The following COG5 variants were observed in gnomAD, a reference collection of about 807,000 sequenced individuals.
COG5 encodes conserved oligomeric Golgi complex subunit 5.
A neutral mutation model predicts 110.4 loss-of-function variants in COG5; 86 were observed. That is an observed-to-expected ratio of 0.78 (90% CI 0.65 to 0.93). COG5 has a LOEUF of 0.93. COG5 is among the 40% of genes least tolerant of loss of function. The pLI is 0.00. For synonymous variants in COG5, 360 were observed against 334.6 expected (o/e 1.08, Z -0.83); for missense variants, 1,077 against 987.0 (o/e 1.09, Z -1.22).
At chr7:107,337,861 T>C (rs1810839059) in intron 10 of COG5, among the ~76,000 whole-genome samples, 1 of 152,158 alleles carries the variant, frequency 6.6e-6, no homozygotes, top group Admixed American at 6.6e-5. Flanking sequence ...ATACCCTAAC[T>C]TGATCATTAC....
At chr7:107,484,506 A>G (rs1188423914) in intron 6 of COG5, among the ~76,000 whole-genome samples, 1 of 152,166 alleles carries the variant, frequency 6.6e-6, no homozygotes, top group African/African-American at 2.4e-5. Context: ...AGTACAAACT[A>G]TTGGTACTAA....
At chr7:107,341,214 C>T in intron 10 of COG5, among the ~76,000 whole-genome samples, 1 of 152,080 alleles carries the variant, frequency 6.6e-6, no homozygotes, top group East Asian at 1.9e-4. Context: ...AAATCAGTAG[C>T]ATTTCTATAC....
intron 5 of COG5, among the ~76,000 whole-genome samples, chr7:107,537,250 A>C (rs959865713): frequency 1.3e-5 from 2 of 152,218 alleles, no homozygotes; most frequent in African/African-American, 4.8e-5. Context: ...TCTATACCCA[A>C]AGGATTATAA....
chr7:107,237,821 A>G (rs1801316575), intron 17 of COG5, among the ~76,000 whole-genome samples: 1 of 152,146 alleles, frequency 6.6e-6, no homozygotes, highest in Non-Finnish European at 1.5e-5. Context: ...GCCTTAGTAA[A>G]TGACGGCCAT....
chr7:107,385,956 T>C (rs1284589768), intron 7 of COG5, among the ~76,000 whole-genome samples: 9 of 151,428 alleles, frequency 5.9e-5, no homozygotes. Flanking sequence ...GAAATATCTA[T>C]TTAAGTCTTT....
At chr7:107,378,444 G>A (rs552059796) in intron 7 of COG5, among the ~76,000 whole-genome samples, 211 of 152,212 alleles carry the variant, frequency 1.4e-3, no homozygotes, top group Non-Finnish European at 2.5e-3. Context: ...ACAGAAGCAG[G>A]CTTCAGAAGG....
chr7:107,207,880 T>C (rs79705824), intron 21 of COG5: 208,176 of 984,490 alleles, frequency 0.21, 23,101 homozygotes, highest in Non-Finnish European at 0.23. Context: ...TCAGCAGCAG[T>C]AGTTACACTA....
intron 17 of COG5, 30 bp downstream of exon 17, chr7:107,248,366 G>C: frequency 7.4e-7 from 1 of 1,342,290 alleles, no homozygotes; most frequent in Non-Finnish European, 1.1e-6. Context: ...GGCAGTAAAA[G>C]TTAGTAAAAA....
chr7:107,438,486 T>C (rs960594646), intron 6 of COG5, among the ~76,000 whole-genome samples: 4 of 152,232 alleles, frequency 2.6e-5, no homozygotes, highest in African/African-American at 7.2e-5. Flanking sequence ...TATCTTTCGT[T>C]GAGGTTTCTC....
intron 17 of COG5, among the ~76,000 whole-genome samples, chr7:107,244,615 A>G (rs1197068576): frequency 1.3e-5 from 2 of 152,236 alleles, no homozygotes; most frequent in African/African-American, 2.4e-5. Context: ...AAACACAATT[A>G]GACATGAGGA....
rs1801200687 is a variant in COG5, at chr7:107,236,476, T to G, written c.2065A>C (p.Met689Leu). Reference protein sequence around the residue: ...LIRPLGEGGKMRLAADFAQME... With the variant: ...LIRPLGEGGKLRLAADFAQME... ...TGTGCAAAATCAGCAGCAAGTCGCATTTTCCCACCTTCACCAAGAGGTCTT... is the reference window on the plus strand; with the variant it reads ...TGTGCAAAATCAGCAGCAAGTCGCAGTTTCCCACCTTCACCAAGAGGTCTT... Residue 689 changes from methionine (M) to leucine (L), a missense_variant, in exon 18 of 22, where the codon ATG becomes CTG. Transcript: ENST00000297135. The G allele has an allele frequency of 6.2e-7, 1 of 1,613,874 alleles. No homozygotes were observed. Among genetic ancestry groups the G allele is most frequent in the African/African-American group, 1.3e-5 (1 of 74,934 alleles).
intron 10 of COG5, among the ~76,000 whole-genome samples, chr7:107,326,212 C>G (rs528551568): frequency 6.6e-6 from 1 of 152,080 alleles, no homozygotes; most frequent in East Asian, 1.9e-4. Context: ...CTCCATGGTG[C>G]GAAACAGAAA....
chr7:107,479,407 A>G (rs7790797), intron 6 of COG5, among the ~76,000 whole-genome samples: 2,075 of 152,234 alleles, frequency 0.014, 45 homozygotes, highest in African/African-American at 0.046. Context: ...GCAGCAATAC[A>G]CAGAATTGAT....
chr7:107,495,471 G>A (rs1216192948), intron 6 of COG5, among the ~76,000 whole-genome samples: 2 of 151,954 alleles, frequency 1.3e-5, no homozygotes, highest in Non-Finnish European at 2.9e-5. Context: ...AATCCTCAGA[G>A]AACATAACAG....
In COG5 at chr7:107,248,454, AAGTG is replaced by A. The variant is rs771651520; in HGVS notation, c.1791_1794del (p.Thr598LeufsTer6). On this transcript the variant is annotated frameshift_variant, in exon 17 of 22. Coordinates refer to ENST00000297135, the MANE Select transcript of COG5 (RefSeq NM_006348.5). LOFTEE classifies it high-confidence loss of function. ...ATGGCCTCTATAGCATCTCCCACAG[AAGTG>A]AGTAAGGGTTGCACAGCATTTTCCA... 6.2e-6 allele frequency: 10 copies of A among 1,612,604 alleles called. No individual in the cohort carries two copies. Among genetic ancestry groups the A allele is most frequent in the East Asian group, 2.2e-5 (1 of 44,868 alleles).
rs114412401 is a variant in COG5 at position 107,314,941 on chromosome 7, A to T, written c.1108+9499T>A. Among the ~76,000 whole-genome samples, 829 of 152,220 alleles carry T rather than the reference A, an allele frequency of 5.4e-3. 10 individuals carry two copies. Among genetic ancestry groups the T allele is most frequent in the African/African-American group, 0.019 (807 of 41,546 alleles). On this transcript the variant is annotated intron_variant, in intron 11 of 21. Coordinates refer to ENST00000297135, the MANE Select transcript of COG5 (RefSeq NM_006348.5). ...CCTCTTATCTCAAGCCCTTAACACA[A>T]ATTGCAAGTTTTCTTTTTGTGTTAC...
chr7:107,356,688 T>C (rs1008158067), intron 10 of COG5, among the ~76,000 whole-genome samples: 2 of 152,260 alleles, frequency 1.3e-5, no homozygotes, highest in Non-Finnish European at 1.5e-5. Context: ...CTAGTAATGA[T>C]TGCCCTAGGG....
At chr7:107,434,723 C>A (rs1794248163) in intron 6 of COG5, among the ~76,000 whole-genome samples, 2 of 152,134 alleles carry the variant, frequency 1.3e-5, no homozygotes, top group South Asian at 4.1e-4. Context: ...GTAATCCCAG[C>A]ACTTTGGGAG....
At chr7:107,304,209 T>C (rs1018171654) in intron 11 of COG5, among the ~76,000 whole-genome samples, 3 of 152,116 alleles carry the variant, frequency 2.0e-5, no homozygotes, top group Non-Finnish European at 4.4e-5. Context: ...GACAGACCCA[T>C]CCGAAACCTT....
Sources: gnomAD v4.1 joint callset for allele counts (sites outside exome capture counted in the v4.1 genomes callset) on GRCh38, gnomAD v4.1.1 for gene constraint, MANE v1.5 for transcripts, NCBI Gene and HGNC (gene_info 2026-07-23, HGNC 2026-07-21) for gene names.